Variants in DOK6 observed in about 807,000 individuals in gnomAD.
DOK6 encodes docking protein 6.
DOK6 carries 22 observed loss-of-function variants against 44.0 expected under a neutral mutation model. That is an observed-to-expected ratio of 0.50 (90% confidence interval 0.36 to 0.71). The LOEUF is 0.71. Among genes scored for constraint, DOK6 ranks in the 30% least tolerant of loss-of-function variants. The pLI, the probability that DOK6 is intolerant of heterozygous loss-of-function variation, is 0.00. For synonymous variants in DOK6, 166 were observed against 145.5 expected, an observed-to-expected ratio of 1.14 and a Z score of -1.01; for missense variants, 340 against 416.4, an observed-to-expected ratio of 0.82 and a Z score of 1.60.
chr18:69,682,169 A>T (rs1986059883), intron 4 of DOK6, among the ~76,000 whole-genome samples: 1 of 152,218 alleles, frequency 6.6e-6, no homozygotes, highest in Non-Finnish European at 1.5e-5. Context: ...CTTGAATGTC[A>T]TTCATTCATT....
chr18:69,502,773 C>A (rs1294654051), intron 1 of DOK6, among the ~76,000 whole-genome samples: 1 of 151,434 alleles, frequency 6.6e-6, no homozygotes, highest in Middle Eastern at 3.2e-3. Flanking sequence ...CAGCACGCTC[C>A]TTTATAAAGT....
intron 7 of DOK6, among the ~76,000 whole-genome samples, chr18:69,798,230 G>A (rs1396441838): frequency 6.6e-6 from 1 of 152,034 alleles, no homozygotes. Context: ...AAACAATGGA[G>A]AATTGCAAGG....
chr18:69,448,280 G>A lies in DOK6; in HGVS notation c.66+46970G>A, dbSNP rs150379696. 6.0e-3 allele frequency among the ~76,000 whole-genome samples: 916 copies of A among 152,298 alleles called. 8 individuals are homozygous for A. The highest frequency in any genetic ancestry group is 0.02 in the African/African-American group (833 of 41,566). On this transcript the variant is annotated intron_variant, in intron 1 of 7. Transcript: ENST00000382713. ...GACTCTGAGACTTTTTGCTGGCATT[G>A]TAGTTGCATTTGTGCAAGGAGGGTT... is the stretch of plus-strand genomic sequence containing the variant.
intron 6 of DOK6, among the ~76,000 whole-genome samples, chr18:69,754,720 T>G (rs1599307251): frequency 6.6e-6 from 1 of 152,350 alleles, no homozygotes; most frequent in Non-Finnish European, 1.5e-5. Flanking sequence ...CTGTGAATAT[T>G]TATCCCTGTG....
intron 3 of DOK6, among the ~76,000 whole-genome samples, chr18:69,651,530 C>T (rs1354974252): frequency 6.7e-6 from 1 of 149,296 alleles, no homozygotes; most frequent in Non-Finnish European, 1.5e-5. Context: ...GCCTTGTCAC[C>T]CAGGCTGGAG....
At chr18:69,801,306 C>A (rs1297708156) in intron 7 of DOK6, among the ~76,000 whole-genome samples, 1 of 152,140 alleles carries the variant, frequency 6.6e-6, no homozygotes, top group Admixed American at 6.6e-5. Flanking sequence ...CACTCATTGT[C>A]AGGCATCTAG....
intron 1 of DOK6, among the ~76,000 whole-genome samples, chr18:69,509,449 A>G (rs1439594403): frequency 6.6e-6 from 1 of 151,970 alleles, no homozygotes; most frequent in Non-Finnish European, 1.5e-5. Flanking sequence ...CATCCTGGCT[A>G]ACATGGTGAA....
At chr18:69,587,143 T>G (rs1983522194) in intron 2 of DOK6, among the ~76,000 whole-genome samples, 1 of 152,142 alleles carries the variant, frequency 6.6e-6, no homozygotes, top group Non-Finnish European at 1.5e-5. Context: ...TTGTAGTAAT[T>G]GGGGCTGGCC....
At chr18:69,488,617 A>G (rs1021973783) in intron 1 of DOK6, among the ~76,000 whole-genome samples, 7 of 152,200 alleles carry the variant, frequency 4.6e-5, no homozygotes, top group African/African-American at 1.7e-4. Context: ...CCTGTCTTAC[A>G]TGGCAGCAGG....
At chr18:69,819,624 A>G (rs1029034039) in intron 7 of DOK6, among the ~76,000 whole-genome samples, 4 of 152,208 alleles carry the variant, frequency 2.6e-5, no homozygotes, top group African/African-American at 4.8e-5. Context: ...GAACTTATTC[A>G]TCTTGCATAA....
At chr18:69,509,409 G>A (rs1368206708) in intron 1 of DOK6, among the ~76,000 whole-genome samples, 2 of 151,888 alleles carry the variant, frequency 1.3e-5, no homozygotes, top group African/African-American at 2.4e-5. Flanking sequence ...AGGCCAAGGC[G>A]GGCGGATCAC....
intron 3 of DOK6, among the ~76,000 whole-genome samples, chr18:69,673,688 A>G (rs1016115653): frequency 6.6e-6 from 1 of 152,244 alleles, no homozygotes; most frequent in African/African-American, 2.4e-5. Context: ...TTTGGAAATT[A>G]CCAAATTTCT....
At chr18:69,702,289 A>C (rs1205732071) in intron 5 of DOK6, among the ~76,000 whole-genome samples, 1 of 152,134 alleles carries the variant, frequency 6.6e-6, no homozygotes, top group Non-Finnish European at 1.5e-5. Context: ...TGTTGGTGCA[A>C]AGTTTATCTA....
At chr18:69,597,348 A>T (rs1397798362) in intron 2 of DOK6, among the ~76,000 whole-genome samples, 3 of 152,238 alleles carry the variant, frequency 2.0e-5, no homozygotes, top group Non-Finnish European at 4.4e-5. Flanking sequence ...GCAAATCATG[A>T]ATGAATTAAT....
intron 1 of DOK6, among the ~76,000 whole-genome samples, chr18:69,434,094 A>T (rs918500938): frequency 2.6e-5 from 4 of 152,198 alleles, no homozygotes; most frequent in Non-Finnish European, 5.9e-5. Flanking sequence ...AAGCATAATT[A>T]TGTGAGGTCA....
At chr18:69,444,602 T>G (rs1380735298) in intron 1 of DOK6, among the ~76,000 whole-genome samples, 1 of 151,428 alleles carries the variant, frequency 6.6e-6, no homozygotes, top group Non-Finnish European at 1.5e-5. Context: ...TTAATTTATA[T>G]AAGTTATTAT....
At chr18:69,571,333 A>G (rs1983110668) in intron 2 of DOK6, among the ~76,000 whole-genome samples, 1 of 152,114 alleles carries the variant, frequency 6.6e-6, no homozygotes, top group South Asian at 2.1e-4. Flanking sequence ...AGGTAAAACA[A>G]CAACAACAAA....
At chr18:69,541,612 C>A (rs1373544989) in intron 1 of DOK6, among the ~76,000 whole-genome samples, 1 of 151,374 alleles carries the variant, frequency 6.6e-6, no homozygotes, top group Non-Finnish European at 1.5e-5. Flanking sequence ...TATACTGAGC[C>A]ATGAAGGGAA....
At chr18:69,727,462 G>A (rs1978315800) in intron 5 of DOK6, among the ~76,000 whole-genome samples, 1 of 152,214 alleles carries the variant, frequency 6.6e-6, no homozygotes, top group African/African-American at 2.4e-5. Flanking sequence ...TAGTGATAAT[G>A]TGAATCAAAA....
Sources: gnomAD v4.1 joint callset for allele counts (sites outside exome capture counted in the v4.1 genomes callset) on GRCh38, gnomAD v4.1.1 for gene constraint, MANE v1.5 for transcripts, NCBI Gene and HGNC (gene_info 2026-07-23, HGNC 2026-07-21) for gene names.